Variants in KRR1 observed in about 807,000 individuals in gnomAD.
KRR1 encodes the protein KRR1 small subunit processome component.
A neutral mutation model predicts 50.0 loss-of-function variants in KRR1; 23 were observed. That is an observed-to-expected ratio of 0.46 (90% confidence interval 0.33 to 0.65). The LOEUF is 0.65. Ranked by LOEUF, KRR1 falls within the 30% of genes least tolerant of loss-of-function variation. The pLI is 0.02. For missense variants in KRR1, 419 were observed against 442.4 expected (o/e 0.95, Z 0.47); for synonymous variants, 133 against 146.3 (o/e 0.91, Z 0.66).
In KRR1 at chr12:75,499,908, C is replaced by T. The variant is rs77063640; in HGVS notation, c.1047G>A (p.Lys349=). Residue 349 remains lysine (K), a synonymous_variant, in exon 10 of 10, where the codon AAG becomes AAA. Transcript: ENST00000229214. ...TKIDVASIKE[K]VKKAKNKKLG... ...GTTTCTTATTCTTTGCTTTCTTAAC[C>T]TTTTCCTTGATGCTGGCCACATCAA... is the stretch of plus-strand genomic sequence containing the variant. 3.9e-4 allele frequency: 622 copies of T among 1,608,936 alleles called. 3 individuals carry two copies. In the African/African-American group the frequency reaches 7.3e-3, roughly 19 times the overall value.
At position 75,501,715 on chromosome 12, in the gene KRR1, A is replaced by G. The variant is rs1418172462; in HGVS notation, c.1003+8T>C. 2.6e-6 allele frequency: 4 copies of G among 1,563,742 alleles called. No homozygotes were observed. The highest frequency in any genetic ancestry group is 3.5e-6 in the Non-Finnish European group (4 of 1,139,138). ...TAATAAAGACTTTTACATCATAGAAAGCATTACCTTCCTTAGGTTTCACAA... is the reference window on the plus strand; with the variant it reads ...TAATAAAGACTTTTACATCATAGAAGGCATTACCTTCCTTAGGTTTCACAA... On this transcript the variant is annotated splice_region_variant and intron_variant, in intron 9 of 9. Transcript: ENST00000229214.
chr12:75,500,042 G>A lies in KRR1; in HGVS notation c.1004-91C>T, dbSNP rs552317226. 10 of 974,694 alleles carry A rather than the reference G, an allele frequency of 1.0e-5. No individual in the cohort carries two copies. The East Asian group carries it at 2.6e-4, about 25-fold the overall frequency. The allele number at this position is 974,694 out of a possible 1,614,324, so 60.4% of individuals were successfully genotyped here. On this transcript the variant is annotated intron_variant, in intron 9 of 9. Transcript: ENST00000229214. The stretch of plus-strand genomic sequence containing the variant: ...TGTTTAACAAAGAATATATGTTTAA[G>A]GCAGTTAACTTCAGAGTATTCTTAT...
rs1159684829 is a variant in KRR1, at chr12:75,491,226, C to T, written c.*8583G>A. On this transcript the variant is annotated 3_prime_UTR_variant, in exon 10 of 10. Transcript: ENST00000229214. The stretch of plus-strand genomic sequence containing the variant: ...CTCTCAGCACTGTTAAAGTGCTTCA[C>T]ATATATTAACTTAATCTTCACCAGA... 2 of 152,214 alleles carry T rather than the reference C, an allele frequency of 1.3e-5. No homozygotes were observed. The highest frequency in any genetic ancestry group is 1.9e-4 in the East Asian group (1 of 5,202). The allele number at this position is 152,214 out of a possible 1,614,324, so 9.4% of individuals were successfully genotyped here.
In KRR1 at chr12:75,506,928, A is replaced by C; in HGVS notation, c.259-12T>G. 6.4e-7 allele frequency: 1 copy of C among 1,574,674 alleles called. No individual in the cohort carries two copies. The highest frequency in any genetic ancestry group is 8.6e-7 in the Non-Finnish European group (1 of 1,166,428). On this transcript the variant is annotated splice_polypyrimidine_tract_variant and intron_variant, in intron 2 of 9. Coordinates refer to ENST00000229214, the MANE Select transcript of KRR1 (RefSeq NM_007043.7). ...GTTGCATTAACATGCTACAGAAGGA[A>C]AGAGCAAACAAGCAGTTGTCTAAAA... is the stretch of plus-strand genomic sequence containing the variant.
chr12:75,505,475 G>C (rs1240738899), intron 5 of KRR1, among the ~76,000 whole-genome samples: 3 of 151,982 alleles, frequency 2.0e-5, no homozygotes, highest in Non-Finnish European at 2.9e-5. Context: ...CTAAAATGTA[G>C]CACAGAGAAC....
intron 6 of KRR1, 169 bp from the exon 7 acceptor site, chr12:75,504,243 A>G: frequency 2.4e-6 from 1 of 413,398 alleles, no homozygotes; most frequent in Non-Finnish European, 4.3e-6. Flanking sequence ...ACAAACATGT[A>G]TAATTATTAG....
chr12:75,499,130 T>C lies in KRR1; in HGVS notation c.*679A>G. 2.0e-6 allele frequency: 1 copy of C among 489,668 alleles called. No homozygotes were observed. The allele number at this position is 489,668 out of a possible 1,614,324, so 30.3% of individuals were successfully genotyped here. On this transcript the variant is annotated 3_prime_UTR_variant, in exon 10 of 10. Transcript: ENST00000229214. ...CTCTTACTCAAAAGAAGAAATTTCCTAACTCTATCAGATAAACTCATCTTT... is the reference window on the plus strand; with the variant it reads ...CTCTTACTCAAAAGAAGAAATTTCCCAACTCTATCAGATAAACTCATCTTT...
rs199692388 is a variant in KRR1, at chr12:75,498,720, C to T, written c.*1089G>A. The T allele has an allele frequency of 1.1e-5, 18 of 1,612,438 alleles. No homozygotes were observed. The African/African-American group carries it at 1.5e-4, about 13-fold the overall frequency. On this transcript the variant is annotated 3_prime_UTR_variant, in exon 10 of 10. Coordinates refer to ENST00000229214, the MANE Select transcript of KRR1 (RefSeq NM_007043.7). ...TAACCGACAGCGAGACCAAGTCAAA[C>T]GTACGTACATCAATCTTAAATTGTT... is the stretch of plus-strand genomic sequence containing the variant.
Position 75,499,765 on chromosome 12 carries a change from C to A in KRR1, c.*44G>T. The A allele has an allele frequency of 6.8e-7, 1 of 1,480,734 alleles. No homozygotes were observed. The highest frequency in any genetic ancestry group is 9.0e-7 in the Non-Finnish European group (1 of 1,106,620). 91.7% of individuals were successfully genotyped at this position (1,480,734 alleles called of 1,614,324 possible). A position where few individuals can be genotyped will look rare whatever the true frequency, so the allele number is the denominator to read the frequency against. ...CAACTAATGCCTGATATCTCAAAAT[C>A]CTTTACAAAAGGAGATAGTTCTAGT... On this transcript the variant is annotated 3_prime_UTR_variant, in exon 10 of 10. Transcript: ENST00000229214.
rs1254268075 is a variant in KRR1 at position 75,498,877 on chromosome 12, A to G, written c.*932T>C. The G allele has an allele frequency of 6.2e-7, 1 of 1,610,598 alleles. No individual in the cohort carries two copies. The highest frequency in any genetic ancestry group is 1.1e-5 in the South Asian group (1 of 90,954). ...GCCCATATATCCACGTAACAGATAC[A>G]CTTCTCTCTTTCTCATTGTTAATTC... On this transcript the variant is annotated 3_prime_UTR_variant, in exon 10 of 10. Coordinates refer to ENST00000229214, the MANE Select transcript of KRR1 (RefSeq NM_007043.7).
Position 75,499,725 on chromosome 12 carries a change from T to C in KRR1, c.*84A>G. On this transcript the variant is annotated 3_prime_UTR_variant, in exon 10 of 10. Transcript: ENST00000229214. Reference sequence around the variant, plus strand: ...AAAAAAAAAAAAGCCCTCAGAAAATTTCTCACAAATAAGGCAACTAATGCC... The same window carrying C: ...AAAAAAAAAAAAGCCCTCAGAAAATCTCTCACAAATAAGGCAACTAATGCC... The C allele has an allele frequency of 9.6e-7, 1 of 1,046,620 alleles. No homozygotes were observed. The highest frequency in any genetic ancestry group is 1.3e-6 in the Non-Finnish European group (1 of 748,792). 64.8% of individuals were successfully genotyped at this position (1,046,620 alleles called of 1,614,324 possible).
rs2046421284 is a variant in KRR1, at chr12:75,506,330, T to C, written c.589A>G (p.Ser197Gly). ...ATAGTTCTCACCTCTTTTAAGCCAC[T>C]AAAAGGTCCAATGGCTGAAACTGTG... is the stretch of plus-strand genomic sequence containing the variant. ...GNTVSAIGPF[S>G]GLKEVRKVVL... is the part of the protein sequence containing the mutation. Residue 197 changes from serine to glycine, a missense_variant, in exon 5 of 10, where the codon AGT (serine) becomes GGT (glycine). By Grantham distance (56) the Ser-to-Gly change is moderately conservative (BLOSUM62 0). Transcript: ENST00000229214. 1 of 1,608,712 alleles carries C rather than the reference T, an allele frequency of 6.2e-7. No individual in the cohort carries two copies. Among genetic ancestry groups the C allele is most frequent in the African/African-American group, 1.3e-5 (1 of 74,722 alleles).
At position 75,497,641 on chromosome 12, in the gene KRR1, A is replaced by G. The variant is rs1029112373; in HGVS notation, c.*2168T>C. 6.6e-6 allele frequency: 1 copy of G among 152,214 alleles called. No homozygotes were observed. 9.4% of individuals were successfully genotyped at this position (152,214 alleles called of 1,614,324 possible). ...ATAAGGTCTGATGAAGGTAAAGGTT[A>G]GAGGATAAAAGCTTTTATTTAACAG... On this transcript the variant is annotated 3_prime_UTR_variant, in exon 10 of 10. Coordinates refer to ENST00000229214, the MANE Select transcript of KRR1 (RefSeq NM_007043.7).
chr12:75,501,699 C>T (rs921477829), intron 9 of KRR1, 24 bp downstream of exon 9: 1 of 1,477,530 alleles, frequency 6.8e-7, no homozygotes, highest in Non-Finnish European at 9.4e-7. Context: ...TTAATAAAGA[C>T]TTTTACATCA....
chr12:75,511,395 G>C lies in KRR1; in HGVS notation c.85+118C>G, dbSNP rs187726010. On this transcript the variant is annotated intron_variant, in intron 1 of 9. Transcript: ENST00000229214. The stretch of plus-strand genomic sequence containing the variant: ...CAAAATCTTATCAGCGATTATTCAG[G>C]TACTCAACTACACAGTACAGGCTCC... The C allele has an allele frequency of 1.6e-4, 137 of 841,308 alleles. 1 individual carries two copies. In the African/African-American group the frequency reaches 2.1e-3, roughly 13 times the overall value. The allele number at this position is 841,308 out of a possible 1,614,324, so 52.1% of individuals were successfully genotyped here.
chr12:75,506,114 A>T, intron 5 of KRR1: 1 of 431,438 alleles, frequency 2.3e-6, no homozygotes, highest in Non-Finnish European at 4.2e-6. Context: ...ATGTCTCCAT[A>T]GTTGCCAAGG....
intron 9 of KRR1, 39 bp from the exon 10 acceptor site, chr12:75,499,990 A>T: frequency 1.3e-6 from 2 of 1,505,360 alleles, no homozygotes; most frequent in Non-Finnish European, 9.0e-7. Context: ...AATACTTTAG[A>T]TTTTACCAAG....
At chr12:75,506,965 T>A (rs754902381) in intron 2 of KRR1, 49 bp from the exon 3 acceptor site, 6 of 1,513,604 alleles carry the variant, frequency 4.0e-6, no homozygotes, top group Non-Finnish European at 5.3e-6. Context: ...TGAGTTTTTT[T>A]AGATAATTAT....
rs939993928 is a variant in KRR1 at position 75,497,715 on chromosome 12, G to A, written c.*2094C>T. The A allele has an allele frequency of 6.6e-6, 1 of 151,904 alleles. No individual in the cohort carries two copies. Among genetic ancestry groups the A allele is most frequent in the Non-Finnish European group, 1.5e-5 (1 of 67,970 alleles). The allele number at this position is 151,904 out of a possible 1,614,324, so 9.4% of individuals were successfully genotyped here. ...CAAGCACTGGAGCATAAATTCCTTC[G>A]TGGTATTCCTTCGTGGTCTCCTAGA... On this transcript the variant is annotated 3_prime_UTR_variant, in exon 10 of 10. Coordinates refer to ENST00000229214, the MANE Select transcript of KRR1 (RefSeq NM_007043.7).
Sources: gnomAD v4.1 joint callset for allele counts (sites outside exome capture counted in the v4.1 genomes callset) on GRCh38, gnomAD v4.1.1 for gene constraint, MANE v1.5 for transcripts, NCBI Gene and HGNC (gene_info 2026-07-23, HGNC 2026-07-21) for gene names.